Variants in SLC41A2 observed in about 807,000 individuals in gnomAD.
The protein encoded by SLC41A2 is SLC41A1-like 1.
In SLC41A2, 32 loss-of-function variants were observed where a neutral mutation model predicts 58.3. The observed-to-expected ratio is 0.55, with a 90% CI of 0.41 to 0.74. SLC41A2 has a LOEUF of 0.74. Ranked by LOEUF, SLC41A2 falls within the 30% of genes least tolerant of loss-of-function variation. SLC41A2 has a pLI of 0.00. For missense variants in SLC41A2, 514 were observed against 680.6 expected, an observed-to-expected ratio of 0.76 and a Z score of 2.72; for synonymous variants, 190 against 235.0, an observed-to-expected ratio of 0.81 and a Z score of 1.75.
intron 1 of SLC41A2, among the ~76,000 whole-genome samples, chr12:104,953,089 AGCCCAGT>A (rs1196660784): frequency 6.6e-6 from 1 of 152,258 alleles, no homozygotes; most frequent in Non-Finnish European, 1.5e-5. Context: ...CCCAAAGCCT[AGCCCAGT>A]GCCTGTCACG....
intron 10 of SLC41A2, among the ~76,000 whole-genome samples, chr12:104,812,070 T>C (rs1447892636): frequency 2.0e-5 from 3 of 152,246 alleles, no homozygotes; most frequent in Non-Finnish European, 2.9e-5. Flanking sequence ...TCTGCATACC[T>C]AACCAGAGGA....
intron 1 of SLC41A2, among the ~76,000 whole-genome samples, chr12:104,943,311 G>A (rs891142650): frequency 2.0e-5 from 3 of 151,564 alleles, no homozygotes; most frequent in African/African-American, 7.3e-5. Flanking sequence ...CAAATACAAC[G>A]TAGAGCAGAG....
intron 1 of SLC41A2, among the ~76,000 whole-genome samples, chr12:104,934,156 G>A (rs1040935303): frequency 6.6e-6 from 1 of 151,700 alleles, no homozygotes; most frequent in South Asian, 2.1e-4. Flanking sequence ...TTCTATATTT[G>A]TTATCCATCA....
At chr12:104,956,838 C>G (rs930962512) in intron 1 of SLC41A2, among the ~76,000 whole-genome samples, 2 of 152,114 alleles carry the variant, frequency 1.3e-5, no homozygotes, top group African/African-American at 2.4e-5. Context: ...AAATGCAAAT[C>G]AAAACCACAA....
chr12:104,951,661 C>A (rs1338730064), intron 1 of SLC41A2: 7 of 151,828 alleles, frequency 4.6e-5, no homozygotes, highest in African/African-American at 1.7e-4. Context: ...TTTGTAAATT[C>A]TTTAGGGTAT....
intron 6 of SLC41A2, among the ~76,000 whole-genome samples, chr12:104,884,234 A>G (rs1471528987): frequency 6.6e-6 from 1 of 152,166 alleles, no homozygotes; most frequent in Non-Finnish European, 1.5e-5. Flanking sequence ...CCAATTTTCC[A>G]GGTACCATCT....
chr12:104,837,259 C>A (rs1393448443), intron 10 of SLC41A2, among the ~76,000 whole-genome samples: 1 of 152,122 alleles, frequency 6.6e-6, no homozygotes, highest in Non-Finnish European at 1.5e-5. Flanking sequence ...ATGGTGATGA[C>A]CATGACGGTC....
chr12:104,901,503 C>T (rs144964655), intron 3 of SLC41A2, among the ~76,000 whole-genome samples: 1 of 151,962 alleles, frequency 6.6e-6, no homozygotes, highest in Non-Finnish European at 1.5e-5. Flanking sequence ...TTGGATACAT[C>T]ATTTTTTAAT....
chr12:104,942,917 G>A (rs76484590), intron 1 of SLC41A2, among the ~76,000 whole-genome samples: 5,826 of 152,190 alleles, frequency 0.038, 156 homozygotes, highest in East Asian at 0.11. Context: ...CTAAGTAACT[G>A]CAGTTCATTA....
intron 2 of SLC41A2, among the ~76,000 whole-genome samples, chr12:104,917,157 G>T (rs1171552492): frequency 2.0e-5 from 3 of 151,988 alleles, no homozygotes; most frequent in African/African-American, 7.3e-5. Flanking sequence ...ATCAACAAGT[G>T]GGCGAAGGAC....
chr12:104,947,169 C>T (rs1384186434), intron 1 of SLC41A2, among the ~76,000 whole-genome samples: 2 of 144,306 alleles, frequency 1.4e-5, no homozygotes, highest in Admixed American at 6.9e-5. Context: ...CGCTGCTGTA[C>T]TGAATTTCTG....
At chr12:104,887,226 A>C (rs1353229016) in intron 5 of SLC41A2, among the ~76,000 whole-genome samples, 1 of 151,994 alleles carries the variant, frequency 6.6e-6, no homozygotes, top group Admixed American at 6.6e-5. Flanking sequence ...ACAAATCAAT[A>C]TGAAAGCCTA....
intron 6 of SLC41A2, among the ~76,000 whole-genome samples, chr12:104,876,410 T>C (rs1426923707): frequency 6.6e-6 from 1 of 152,222 alleles, no homozygotes; most frequent in African/African-American, 2.4e-5. Context: ...AACTTCCCTC[T>C]TAGAACTGCT....
At chr12:104,933,537 C>T (rs1314789381) in intron 1 of SLC41A2, among the ~76,000 whole-genome samples, 1 of 151,872 alleles carries the variant, frequency 6.6e-6, no homozygotes, top group Non-Finnish European at 1.5e-5. Context: ...GAGTATCTAC[C>T]CAAAGGAAAA....
At chr12:104,844,311 AAC>A (rs1481906058) in intron 10 of SLC41A2, among the ~76,000 whole-genome samples, 159 bp downstream of exon 10, 1 of 152,214 alleles carries the variant, frequency 6.6e-6, no homozygotes, top group Admixed American at 6.5e-5. Context: ...ATTGATGACT[AAC>A]ACAAAATTGT....
intron 10 of SLC41A2, among the ~76,000 whole-genome samples, chr12:104,842,335 T>C (rs2042443053): frequency 6.6e-6 from 1 of 152,006 alleles, no homozygotes; most frequent in Non-Finnish European, 1.5e-5. Flanking sequence ...AATGTCAGGC[T>C]GCAAATGCAA....
At chr12:104,949,696 G>T (rs1420475053) in intron 1 of SLC41A2, among the ~76,000 whole-genome samples, 1 of 152,186 alleles carries the variant, frequency 6.6e-6, no homozygotes, top group Non-Finnish European at 1.5e-5. Context: ...CAATTCTCCT[G>T]CCTCAGCCTC....
intron 10 of SLC41A2, among the ~76,000 whole-genome samples, chr12:104,808,495 C>T (rs567851003): frequency 2.0e-5 from 3 of 152,074 alleles, no homozygotes; most frequent in Admixed American, 1.3e-4. Flanking sequence ...ATTTTTGCAT[C>T]GATGTTCATT....
intron 10 of SLC41A2, among the ~76,000 whole-genome samples, chr12:104,827,905 C>T (rs906179701): frequency 4.6e-5 from 7 of 152,094 alleles, no homozygotes; most frequent in East Asian, 1.9e-4. Flanking sequence ...TTAAATAAGA[C>T]GGAATTGGAG....
Sources: allele counts gnomAD v4.1 joint callset (sites outside exome capture counted in the v4.1 genomes callset), GRCh38; gene constraint gnomAD v4.1.1; transcripts MANE v1.5; gene names NCBI Gene and HGNC (gene_info 2026-07-23, HGNC 2026-07-21).